The following SLC39A1 variants were observed in gnomAD, a reference collection of about 807,000 sequenced individuals.
SLC39A1 encodes zinc transporter ZIP1.
Under a neutral mutation model 21.4 loss-of-function variants are expected in SLC39A1, and 17 were observed. The observed-to-expected ratio is 0.79, with a 90% CI of 0.54 to 1.19. SLC39A1 has a LOEUF of 1.19. Among genes scored for constraint, SLC39A1 ranks in the 50% most tolerant of loss-of-function variants. The pLI is 0.00. For synonymous variants in SLC39A1, 183 were observed against 185.9 expected, an observed-to-expected ratio of 0.98 and a Z score of 0.13; for missense variants, 343 against 399.8, an observed-to-expected ratio of 0.86 and a Z score of 1.21.
upstream of SLC39A1, chr1:153,967,309 A>C (rs1014619584): frequency 5.3e-5 from 8 of 152,212 alleles, no homozygotes; most frequent in African/African-American, 9.7e-5. Context: ...TCACCGCTCC[A>C]CTGGGGTCAG....
In SLC39A1 at chr1:153,962,833, G is replaced by T. The variant is rs1425574797; in HGVS notation, c.-32-86C>A. The T allele has an allele frequency of 1.9e-5, 21 of 1,117,482 alleles. 1 individual carries two copies. Among genetic ancestry groups the T allele is most frequent in the Non-Finnish European group, 2.3e-5 (19 of 814,932 alleles). The allele number at this position is 1,117,482 out of a possible 1,614,324, so 69.2% of individuals were successfully genotyped here. ...GGGGAAGCTTGGTCAGCAGAGTGCA[G>T]CTCCCTGGCCCCAGCCACTTTGTGA... On this transcript the variant is annotated intron_variant, in intron 1 of 3. Coordinates refer to ENST00000356205, the MANE Select transcript of SLC39A1 (RefSeq NM_001271958.2).
chr1:153,959,736 G>C lies in SLC39A1; in HGVS notation c.*362C>G, dbSNP rs6724. The stretch of plus-strand genomic sequence containing the variant: ...GACACTGACTCTAGGTTTATGACCT[G>C]TCCATACCCGTTCCACAGCAGCTGG... On this transcript the variant is annotated 3_prime_UTR_variant, in exon 4 of 4. Transcript: ENST00000356205. 0.29 allele frequency: 87,283 copies of C among 299,492 alleles called. 13,233 individuals are homozygous for C. Among genetic ancestry groups the C allele is most frequent in the Admixed American group, 0.39 (8,397 of 21,570 alleles). The allele number at this position is 299,492 out of a possible 1,614,324, so 18.6% of individuals were successfully genotyped here.
At chr1:153,961,086 G>C (rs1381630390) in intron 3 of SLC39A1, among the ~76,000 whole-genome samples, 1 of 152,120 alleles carries the variant, frequency 6.6e-6, no homozygotes, top group Admixed American at 6.5e-5. Context: ...GACCAGCCTG[G>C]CCAACATGGT....
At position 153,959,895 on chromosome 1, in the gene SLC39A1, T is replaced by C; in HGVS notation, c.*203A>G. On this transcript the variant is annotated 3_prime_UTR_variant, in exon 4 of 4. Transcript: ENST00000356205. ...TAGCGACTTGACCATCTCTTGTTCC[T>C]TGGGACTGGGGCCAGCCTCTTGTCT... 3.4e-6 allele frequency: 2 copies of C among 584,392 alleles called. No homozygotes were observed. The highest frequency in any genetic ancestry group is 6.1e-6 in the Non-Finnish European group (2 of 327,796). The allele number at this position is 584,392 out of a possible 1,614,324, so 36.2% of individuals were successfully genotyped here. A position where few individuals can be genotyped will look rare whatever the true frequency, so the allele number is the denominator to read the frequency against.
chr1:153,959,189 T>A lies in SLC39A1; in HGVS notation c.*909A>T, dbSNP rs1044740896. 2.0e-5 allele frequency: 8 copies of A among 399,058 alleles called. No individual in the cohort carries two copies. The highest frequency in any genetic ancestry group is 4.4e-6 in the Non-Finnish European group (1 of 226,070). 24.7% of individuals were successfully genotyped at this position (399,058 alleles called of 1,614,324 possible). ...AAATAGATTCTAAAGAATATGTCCC[T>A]ATGCACAGCCCTCCCTCCCCAAAAA... On this transcript the variant is annotated 3_prime_UTR_variant, in exon 4 of 4. Transcript: ENST00000356205.
chr1:153,960,228 G>A lies in SLC39A1; in HGVS notation c.845C>T (p.Thr282Ile). ...QSVLEGMAAG[T>I]FLYITFLEIL... ...TTCCAGAAAGGTGATATAGAGAAAG[G>A]TGCCAGCTGCCATGCCCTCTAGCAC... Residue 282 changes from threonine (T) to isoleucine (I), a missense_variant, in exon 4 of 4, where the codon ACC (threonine) becomes ATC (isoleucine). Thr to Ile is a moderately conservative substitution (Grantham distance 89). Transcript: ENST00000356205. 6.2e-7 allele frequency: 1 copy of A among 1,614,190 alleles called. No homozygotes were observed. The highest frequency in any genetic ancestry group is 8.5e-7 in the Non-Finnish European group (1 of 1,180,046).
At chr1:153,963,966 A>G (rs1316614809), upstream of SLC39A1, among the ~76,000 whole-genome samples, 1 of 152,272 alleles carries the variant, frequency 6.6e-6, no homozygotes, top group African/African-American at 2.4e-5. Flanking sequence ...TTGGCGCCCA[A>G]GGGAAAGCAT....
In SLC39A1 at chr1:153,959,196, A is replaced by C. The variant is rs1476274069; in HGVS notation, c.*902T>G. 2.5e-5 allele frequency: 10 copies of C among 398,926 alleles called. No homozygotes were observed. The highest frequency in any genetic ancestry group is 4.4e-5 in the Admixed American group (1 of 22,714). 24.7% of individuals were successfully genotyped at this position (398,926 alleles called of 1,614,324 possible). A position where few individuals can be genotyped will look rare whatever the true frequency, so the allele number is the denominator to read the frequency against. ...TTCTAAAGAATATGTCCCTATGCACAGCCCTCCCTCCCCAAAAATAACGCT... is the reference window on the plus strand; with the variant it reads ...TTCTAAAGAATATGTCCCTATGCACCGCCCTCCCTCCCCAAAAATAACGCT... On this transcript the variant is annotated 3_prime_UTR_variant, in exon 4 of 4. Coordinates refer to ENST00000356205, the MANE Select transcript of SLC39A1 (RefSeq NM_001271958.2).
chr1:153,962,967 G>T, intron 1 of SLC39A1: 1 of 407,568 alleles, frequency 2.5e-6, no homozygotes, highest in Non-Finnish European at 4.4e-6. Flanking sequence ...GGGGGAAACC[G>T]AGGCATGAGA....
Position 153,959,474 on chromosome 1 carries a change from A to C in SLC39A1, c.*624T>G, listed in dbSNP as rs1405660088. On this transcript the variant is annotated 3_prime_UTR_variant, in exon 4 of 4. Transcript: ENST00000356205. Reference sequence around the variant, plus strand: ...TTCACTGAGGTGCTGGGTAGGGCTCAGTGCCACATTACTGTGCTTTGAGAA... The same window carrying C: ...TTCACTGAGGTGCTGGGTAGGGCTCCGTGCCACATTACTGTGCTTTGAGAA... 2 of 394,810 alleles carry C rather than the reference A, an allele frequency of 5.1e-6. No individual in the cohort carries two copies. Among genetic ancestry groups the C allele is most frequent in the Non-Finnish European group, 8.9e-6 (2 of 224,080 alleles). The allele number at this position is 394,810 out of a possible 1,614,324, so 24.5% of individuals were successfully genotyped here. A position where few individuals can be genotyped will look rare whatever the true frequency, so the allele number is the denominator to read the frequency against.
chr1:153,964,140 C>A (rs966512153), upstream of SLC39A1, among the ~76,000 whole-genome samples: 10 of 152,260 alleles, frequency 6.6e-5, no homozygotes, highest in Non-Finnish European at 1.3e-4. Flanking sequence ...TCCGCCTTCT[C>A]CAGGTGGGTG....
At chr1:153,962,840 G>A (rs1647563593) in intron 1 of SLC39A1, 93 bp from the exon 2 acceptor site, 1 of 1,011,918 alleles carries the variant, frequency 9.9e-7, no homozygotes, top group East Asian at 2.7e-5. Context: ...GCAGCTCCCT[G>A]GCCCCAGCCA....
At chr1:153,961,835 C>T (rs1164394636) in intron 3 of SLC39A1, among the ~76,000 whole-genome samples, 1 of 152,174 alleles carries the variant, frequency 6.6e-6, no homozygotes, top group Non-Finnish European at 1.5e-5. Flanking sequence ...GTTAGCAACA[C>T]CAAGACCCAG....
intron 2 of SLC39A1, 45 bp from the exon 3 acceptor site, chr1:153,962,395 C>T (rs988937601): frequency 6.3e-7 from 1 of 1,598,474 alleles, no homozygotes; most frequent in Non-Finnish European, 8.5e-7. Context: ...AACAAACCCC[C>T]TCCAGGGCCG....
chr1:153,963,882 T>C (rs1254483805), upstream of SLC39A1, among the ~76,000 whole-genome samples: 2 of 152,240 alleles, frequency 1.3e-5, no homozygotes, highest in Non-Finnish European at 2.9e-5. Context: ...GGCCCACATC[T>C]GAAAACATCT....
intron 1 of SLC39A1, 148 bp from the exon 2 acceptor site, chr1:153,962,895 C>G (rs1180249326): frequency 3.7e-6 from 2 of 535,700 alleles, no homozygotes; most frequent in African/African-American, 3.8e-5. Context: ...TACTCCTGTA[C>G]CAGGAACATT....
Position 153,960,574 on chromosome 1 carries a change from G to A in SLC39A1, c.499C>T (p.Gln167Ter), listed in dbSNP as rs1647345321. ...GGGGTTGCTGGGGCTCCACTCGCCT[G>A]TGGGACCCCTGGCCCATCATGCCAA... The part of the protein sequence containing the change: ...QHWHDGPGVP[Q>*]ASGAPATPSA... The change falls in exon 4 of 4, where the codon CAG (glutamine) becomes TAG (stop). Residue 167 changes from glutamine to a stop codon, truncating the protein, a stop_gained. Transcript: ENST00000356205. LOFTEE classifies it high-confidence loss of function. 6 of 1,614,058 alleles carry A rather than the reference G, an allele frequency of 3.7e-6. No individual in the cohort carries two copies. Among genetic ancestry groups the A allele is most frequent in the Non-Finnish European group, 5.1e-6 (6 of 1,180,062 alleles).
upstream of SLC39A1, among the ~76,000 whole-genome samples, chr1:153,964,016 C>G (rs1474855531): frequency 6.6e-6 from 1 of 152,214 alleles, no homozygotes; most frequent in Non-Finnish European, 1.5e-5. Context: ...CTTTCCCTCA[C>G]CAGCACCCAC....
In SLC39A1 at chr1:153,962,710, C is replaced by A. The variant is rs763747283; in HGVS notation, c.6G>T (p.Gly2=). Residue 2 remains glycine, a synonymous_variant, in exon 2 of 4, where the codon GGG becomes GGT. Coordinates refer to ENST00000356205, the MANE Select transcript of SLC39A1 (RefSeq NM_001271958.2). ...CCAGGAGCTCTGGCTCTCCCCAGGG[C>A]CCCATGATGCTTCTGGTAGCTCCAG... is the stretch of plus-strand genomic sequence containing the variant. M[G]PWGEPELLVW... The A allele has an allele frequency of 1.9e-6, 3 of 1,580,354 alleles. No individual in the cohort carries two copies. Among genetic ancestry groups the A allele is most frequent in the Non-Finnish European group, 2.6e-6 (3 of 1,162,882 alleles).
Sources: allele counts gnomAD v4.1 joint callset (sites outside exome capture counted in the v4.1 genomes callset), GRCh38; gene constraint gnomAD v4.1.1; transcripts MANE v1.5; gene names NCBI Gene and HGNC (gene_info 2026-07-23, HGNC 2026-07-21).